CHRDL1: variants seen among roughly 807,000 people sequenced by gnomAD.
The protein encoded by CHRDL1 is chordin-like protein 1.
In CHRDL1, 19 loss-of-function variants were observed where a neutral mutation model predicts 40.9. That is an observed-to-expected ratio of 0.46 (90% CI 0.32 to 0.68). CHRDL1 has a LOEUF of 0.68. Ranked by LOEUF, CHRDL1 falls within the 30% of genes least tolerant of loss-of-function variation. CHRDL1 has a pLI of 0.03. For synonymous variants in CHRDL1, 136 were observed against 123.4 expected (o/e 1.10, Z -0.68); for missense variants, 329 against 352.1 (o/e 0.93, Z 0.53).
In CHRDL1 at chrX:110,770,114, T is replaced by G. The variant is rs752450274; in HGVS notation, c.95-7307A>C. Among the ~76,000 whole-genome samples, 4 of 112,373 alleles carry G rather than the reference T, an allele frequency of 3.6e-5. No individual in the cohort carries two copies. The South Asian group carries it at 1.5e-3, about 42-fold the overall frequency. On this transcript the variant is annotated intron_variant, in intron 2 of 11. Coordinates refer to ENST00000372042, the MANE Select transcript of CHRDL1 (RefSeq NM_001143981.2). Reference sequence around the variant, plus strand: ...TAGGTTTGAGTCCTAACCTACTCTGTGTGACATTGAGTAAGTCACTCAAAC... The same window carrying G: ...TAGGTTTGAGTCCTAACCTACTCTGGGTGACATTGAGTAAGTCACTCAAAC...
chrX:110,694,372 A>C (rs374761258), intron 7 of CHRDL1, 41 bp from the exon 8 acceptor site: 1 of 1,042,043 alleles, frequency 9.6e-7, no homozygotes, highest in Non-Finnish European at 1.3e-6. Context: ...AAAGCCACCA[A>C]TGAGATCACA....
intron 2 of CHRDL1, among the ~76,000 whole-genome samples, chrX:110,779,078 C>G (rs1005811561): frequency 1.8e-5 from 2 of 110,862 alleles, no homozygotes; most frequent in African/African-American, 6.6e-5. Context: ...AGGATAACAA[C>G]AGACACTAGG....
intron 2 of CHRDL1, among the ~76,000 whole-genome samples, chrX:110,784,480 C>T (rs1602425045): frequency 9.0e-6 from 1 of 110,765 alleles, no homozygotes; most frequent in East Asian, 2.9e-4. Context: ...GGCACAATCT[C>T]GGCTCACTGC....
At chrX:110,788,054 C>T (rs2090044033) in intron 2 of CHRDL1, among the ~76,000 whole-genome samples, 1 of 112,229 alleles carries the variant, frequency 8.9e-6, no homozygotes, top group South Asian at 3.7e-4. Flanking sequence ...AGTTTCCTGG[C>T]CTCATTGACT....
rs759881714 is a variant in CHRDL1, at chrX:110,695,979, A to C, written c.610-1648T>G. Among the ~76,000 whole-genome samples, 5 of 112,216 alleles carry C rather than the reference A, an allele frequency of 4.5e-5. No individual in the cohort carries two copies. In the South Asian group the frequency reaches 1.1e-3, roughly 25 times the overall value. ...TGCACATGGATAGGATTCTCAGTTCAAATATTTCTCATTCCCACAATGGCT... is the reference window on the plus strand; with the variant it reads ...TGCACATGGATAGGATTCTCAGTTCCAATATTTCTCATTCCCACAATGGCT... On this transcript the variant is annotated intron_variant, in intron 7 of 11. Coordinates refer to ENST00000372042, the MANE Select transcript of CHRDL1 (RefSeq NM_001143981.2).
intron 4 of CHRDL1, among the ~76,000 whole-genome samples, chrX:110,727,270 G>A (rs2071075631): frequency 9.0e-6 from 1 of 111,558 alleles, no homozygotes; most frequent in African/African-American, 3.3e-5. Context: ...TTCAAACTAG[G>A]TTCTGTGCTG....
At chrX:110,760,260 C>G (rs2148507074) in intron 3 of CHRDL1, among the ~76,000 whole-genome samples, 1 of 112,034 alleles carries the variant, frequency 8.9e-6, no homozygotes, top group South Asian at 3.7e-4. Context: ...CCTTTTTAGC[C>G]AAAATTCTTC....
At chrX:110,722,289 G>A (rs188658780) in intron 4 of CHRDL1, among the ~76,000 whole-genome samples, 2 of 110,646 alleles carry the variant, frequency 1.8e-5, no homozygotes, top group African/African-American at 6.6e-5. Context: ...GAGCCATGGC[G>A]CCCGGCCACC....
chrX:110,681,063 G>C (rs1431226357), intron 10 of CHRDL1, among the ~76,000 whole-genome samples: 3 of 111,934 alleles, frequency 2.7e-5, no homozygotes, highest in Non-Finnish European at 5.6e-5. Context: ...TGTAATCCTG[G>C]CTACATATTA....
At chrX:110,714,873 G>A (rs186455832) in intron 6 of CHRDL1, among the ~76,000 whole-genome samples, 240 of 111,783 alleles carry the variant, frequency 2.1e-3, no homozygotes, top group African/African-American at 7.3e-3. Context: ...CCTGCTGTAT[G>A]AGTAATACGC....
rs1280743966 is a variant in CHRDL1, at chrX:110,676,286, A to G, written c.1322T>C (p.Leu441Pro). 8.3e-7 allele frequency: 1 copy of G among 1,208,926 alleles called. No individual in the cohort carries two copies. Among genetic ancestry groups the G allele is most frequent in the East Asian group, 3.0e-5 (1 of 33,803 alleles). The change falls in exon 12 of 12, where the codon CTT becomes CCT. Residue 441 changes from leucine (L) to proline (P), a missense_variant. By Grantham distance (98) the Leu-to-Pro change is moderately conservative. Coordinates refer to ENST00000372042, the MANE Select transcript of CHRDL1 (RefSeq NM_001143981.2). ...GTACAAAACCTTGACTAAATCTTCA[A>G]GCTCTGTTCTGCATACACGACTTGA... is the stretch of plus-strand genomic sequence containing the variant. ...MCSSRVCRTE[L>P]EDLVKVLYLE...
At chrX:110,769,052 T>C (rs1225455035) in intron 2 of CHRDL1, among the ~76,000 whole-genome samples, 1 of 111,825 alleles carries the variant, frequency 8.9e-6, no homozygotes, top group Non-Finnish European at 1.9e-5. Context: ...ACTGCCTTAT[T>C]GTACATGATA....
intron 2 of CHRDL1, among the ~76,000 whole-genome samples, chrX:110,765,001 A>G (rs2089634228): frequency 8.9e-6 from 1 of 111,882 alleles, no homozygotes; most frequent in African/African-American, 3.3e-5. Flanking sequence ...ACCGCTGAAC[A>G]TAGACCCTTA....
intron 4 of CHRDL1, among the ~76,000 whole-genome samples, chrX:110,758,130 C>CAAAAAAAA (rs1165155426): frequency 8.5e-5 from 7 of 82,766 alleles, no homozygotes; most frequent in Admixed American, 2.7e-4. Context: ...AACAAAAAAA[C>CAAAAAAAA]AAAAAAAAAA....
chrX:110,697,833 C>A (rs183824696), intron 7 of CHRDL1, among the ~76,000 whole-genome samples: 7 of 83,137 alleles, frequency 8.4e-5, no homozygotes, highest in African/African-American at 4.9e-4. Context: ...CACACACACA[C>A]ACACACACAC....
rs1006746369 is a variant in CHRDL1 at position 110,713,156 on chromosome X, G to C, written c.541+6679C>G. 9.0e-5 allele frequency among the ~76,000 whole-genome samples: 10 copies of C among 111,208 alleles called. No homozygotes were observed. In the East Asian group the frequency reaches 2.8e-3, roughly 32 times the overall value. ...AAGTCTTCCTTCACCTCCCTGACTA[G>C]GTCAACCCCTCTCAATTATTGGCTT... is the stretch of plus-strand genomic sequence containing the variant. On this transcript the variant is annotated intron_variant, in intron 6 of 11. Coordinates refer to ENST00000372042, the MANE Select transcript of CHRDL1 (RefSeq NM_001143981.2).
intron 2 of CHRDL1, among the ~76,000 whole-genome samples, chrX:110,790,055 G>A (rs1333208750): frequency 9.5e-6 from 1 of 105,350 alleles, no homozygotes; most frequent in Non-Finnish European, 2.1e-5. Flanking sequence ...ATAAATCTCT[G>A]TGCATGCATA....
At chrX:110,702,874 G>A (rs1352796854) in intron 6 of CHRDL1, among the ~76,000 whole-genome samples, 1 of 112,055 alleles carries the variant, frequency 8.9e-6, no homozygotes, top group South Asian at 3.8e-4. Context: ...GTTTACTGAT[G>A]TAACTCCAGC....
In CHRDL1 at chrX:110,775,784, CTTTT is replaced by C. The variant is rs894195009; in HGVS notation, c.95-12981_95-12978del. Among the ~76,000 whole-genome samples, 14 of 105,176 alleles carry C rather than the reference CTTTT, an allele frequency of 1.3e-4. 1 individual carries two copies. Among genetic ancestry groups the C allele is most frequent in the Admixed American group, 1.3e-3 (13 of 9,801 alleles). The allele number at this position is 105,176 out of a possible 115,157, so 91.3% of individuals were successfully genotyped here. On this transcript the variant is annotated intron_variant, in intron 2 of 11. Coordinates refer to ENST00000372042, the MANE Select transcript of CHRDL1 (RefSeq NM_001143981.2). Reference sequence around the variant, plus strand: ...ATTCATTGCCCTAGTTTTTTTGTTACTTTTTTTTTTGTCTTCCTTTCTTTTTCTG... The same window carrying C: ...ATTCATTGCCCTAGTTTTTTTGTTACTTTTTTGTCTTCCTTTCTTTTTCTG...
Sources: allele counts gnomAD v4.1 joint callset (sites outside exome capture counted in the v4.1 genomes callset), GRCh38; gene constraint gnomAD v4.1.1; transcripts MANE v1.5; gene names NCBI Gene and HGNC (gene_info 2026-07-23, HGNC 2026-07-21).